The following EPHB2 variants were observed in gnomAD, a reference collection of about 807,000 sequenced individuals.
The protein encoded by EPHB2 is EPH receptor B2.
In EPHB2, 18 loss-of-function variants were observed where a neutral mutation model predicts 96.4. That is an observed-to-expected ratio of 0.19 (90% CI 0.13 to 0.28). The LOEUF (loss-of-function observed/expected upper bound fraction) is 0.28. Ranked by LOEUF, EPHB2 falls within the 10% of genes least tolerant of loss-of-function variation. The pLI is 1.00. For missense variants in EPHB2, 989 were observed against 1,355.4 expected (o/e 0.73, Z 4.25); for synonymous variants, 506 against 534.1 (o/e 0.95, Z 0.72).
Position 22,914,349 on chromosome 1 carries a change from T to C in EPHB2, c.*779T>C. 1 of 154,922 alleles carries C rather than the reference T, an allele frequency of 6.5e-6. No homozygotes were observed. The highest frequency in any genetic ancestry group is 6.4e-5 in the Admixed American group (1 of 15,626). 9.6% of individuals were successfully genotyped at this position (154,922 alleles called of 1,614,324 possible). On this transcript the variant is annotated 3_prime_UTR_variant, in exon 16 of 16. Coordinates refer to ENST00000374630, the MANE Select transcript of EPHB2 (RefSeq NM_017449.5). ...ATATCACGCGCACAGCCTGGCAGCC[T>C]GGCCCTCCTGGTGCCCACTCCCGCC...
At chr1:22,840,894 C>T (rs893011560) in intron 3 of EPHB2, among the ~76,000 whole-genome samples, 3 of 152,154 alleles carry the variant, frequency 2.0e-5, no homozygotes, top group Non-Finnish European at 2.9e-5. Flanking sequence ...TGTTATTACC[C>T]TCATTTATCA....
At chr1:22,713,417 C>G (rs1643209930) in intron 1 of EPHB2, among the ~76,000 whole-genome samples, 1 of 152,174 alleles carries the variant, frequency 6.6e-6, no homozygotes, top group Admixed American at 6.5e-5. Flanking sequence ...CTACGCCCTA[C>G]TTCCCCTCTT....
chr1:22,861,240 T>C lies in EPHB2; in HGVS notation c.812-1797T>C, dbSNP rs570567756. On this transcript the variant is annotated intron_variant, in intron 3 of 15. Transcript: ENST00000374630. ...AGGCCACACTGCTCACACAGGTGGG[T>C]CTGGGTTTGCCAGCAGCCTGCACAC... Among the ~76,000 whole-genome samples the C allele has an allele frequency of 6.4e-3, 979 of 152,256 alleles. 8 individuals are homozygous for C. Among genetic ancestry groups the C allele is most frequent in the African/African-American group, 0.022 (894 of 41,526 alleles).
chr1:22,820,801 T>C (rs1645142572), intron 3 of EPHB2, among the ~76,000 whole-genome samples: 1 of 152,264 alleles, frequency 6.6e-6, no homozygotes, highest in South Asian at 2.1e-4. Context: ...TTTGTTATTA[T>C]AACCATTTCA....
intron 3 of EPHB2, among the ~76,000 whole-genome samples, chr1:22,840,689 G>A (rs1645453386): frequency 6.6e-6 from 1 of 152,106 alleles, no homozygotes; most frequent in South Asian, 2.1e-4. Flanking sequence ...TGGAACTCCT[G>A]GCCTCAAGCA....
chr1:22,737,698 G>A (rs1013157724), intron 1 of EPHB2, among the ~76,000 whole-genome samples: 1 of 152,192 alleles, frequency 6.6e-6, no homozygotes, highest in Non-Finnish European at 1.5e-5. Context: ...CTGGAGTGTA[G>A]AGACTTTCTT....
chr1:22,896,448 G>A lies in EPHB2; in HGVS notation c.1735G>A (p.Asp579Asn), dbSNP rs1308309622. The A allele has an allele frequency of 6.2e-7, 1 of 1,614,158 alleles. No individual in the cohort carries two copies. Among genetic ancestry groups the A allele is most frequent in the South Asian group, 1.1e-5 (1 of 91,084 alleles). ...GFERADSEYT[D>N]KLQHYTSGHM... ...TGAGCGTGCTGACTCGGAGTACACGGACAAGCTGCAACACTACACCAGTGG... is the reference window on the plus strand; with the variant it reads ...TGAGCGTGCTGACTCGGAGTACACGAACAAGCTGCAACACTACACCAGTGG... The change falls in exon 9 of 16, where the codon GAC becomes AAC. Residue 579 changes from aspartate (D) to asparagine (N), a missense_variant. Transcript: ENST00000374630.
chr1:22,905,633 G>A (rs1227907243), intron 9 of EPHB2, among the ~76,000 whole-genome samples: 1 of 152,284 alleles, frequency 6.6e-6, no homozygotes, highest in East Asian at 1.9e-4. Context: ...CCTTGATTCT[G>A]TATCACCTAT....
At chr1:22,752,866 G>A (rs532697088) in intron 1 of EPHB2, among the ~76,000 whole-genome samples, 11 of 152,142 alleles carry the variant, frequency 7.2e-5, no homozygotes, top group African/African-American at 1.4e-4. Context: ...TTGCTGCAGC[G>A]TCAGATTACT....
intron 3 of EPHB2, among the ~76,000 whole-genome samples, chr1:22,854,145 C>T (rs528678369): frequency 5.1e-4 from 77 of 152,256 alleles, no homozygotes; most frequent in South Asian, 4.8e-3. Flanking sequence ...AAGGAGTAAA[C>T]GGGCAAGAAG....
At chr1:22,902,639 G>A (rs1639786403) in intron 9 of EPHB2, among the ~76,000 whole-genome samples, 3 of 152,336 alleles carry the variant, frequency 2.0e-5, no homozygotes, top group South Asian at 4.1e-4. Flanking sequence ...CACCCACTGT[G>A]TGCCAGGCCC....
At chr1:22,792,581 C>T (rs1011009910) in intron 3 of EPHB2, among the ~76,000 whole-genome samples, 5 of 152,192 alleles carry the variant, frequency 3.3e-5, no homozygotes, top group African/African-American at 1.2e-4. Context: ...GTCCATCCAT[C>T]CATCCATCCA....
chr1:22,801,820 G>A (rs1230175944), intron 3 of EPHB2, among the ~76,000 whole-genome samples: 1 of 152,180 alleles, frequency 6.6e-6, no homozygotes, highest in Non-Finnish European at 1.5e-5. Flanking sequence ...CAGGAAGAAT[G>A]CCTCTCTTTA....
At chr1:22,907,458 T>C (rs12065377) in intron 11 of EPHB2, among the ~76,000 whole-genome samples, 2,035 of 152,142 alleles carry the variant, frequency 0.013, 49 homozygotes, top group African/African-American at 0.045. Context: ...CAGAGGAAAG[T>C]GTATAGGCCT....
intron 1 of EPHB2, among the ~76,000 whole-genome samples, chr1:22,718,681 C>T (rs996958871): frequency 3.3e-5 from 5 of 152,268 alleles, no homozygotes; most frequent in Middle Eastern, 3.4e-3. Flanking sequence ...AGCCACCGCG[C>T]CCAGCAGCTG....
At chr1:22,834,947 TA>T (rs1277402743) in intron 3 of EPHB2, among the ~76,000 whole-genome samples, 1 of 151,206 alleles carries the variant, frequency 6.6e-6, no homozygotes, top group South Asian at 2.1e-4. Context: ...AAATAAAAAA[TA>T]AAAAAAAGGC....
At chr1:22,883,777 C>T (rs1201215965) in intron 6 of EPHB2, among the ~76,000 whole-genome samples, 1 of 152,182 alleles carries the variant, frequency 6.6e-6, no homozygotes, top group Non-Finnish European at 1.5e-5. Context: ...TGCTTGCGTG[C>T]GTGTTCATCC....
chr1:22,788,749 T>C (rs1231329386), intron 3 of EPHB2, among the ~76,000 whole-genome samples: 1 of 40,670 alleles, frequency 2.5e-5, no homozygotes, highest in Non-Finnish European at 8.4e-5. Context: ...TGTCTTTTGT[T>C]TTTGTTTTTT....
Position 22,865,307 on chromosome 1 carries a change from A to C in EPHB2, c.1303+95A>C, listed in dbSNP as rs1036398281. 8 of 1,428,464 alleles carry C rather than the reference A, an allele frequency of 5.6e-6. No homozygotes were observed. The African/African-American group carries it at 1.1e-4, about 20-fold the overall frequency. The allele number at this position is 1,428,464 out of a possible 1,614,324, so 88.5% of individuals were successfully genotyped here. ...ACAAAAGACTCCTTCACATCTATGG[A>C]GTGATTTCTTCTTTTCAAAGGCTTT... is the stretch of plus-strand genomic sequence containing the variant. On this transcript the variant is annotated intron_variant, in intron 5 of 15. Transcript: ENST00000374630.
Sources: allele counts gnomAD v4.1 joint callset (sites outside exome capture counted in the v4.1 genomes callset), GRCh38; gene constraint gnomAD v4.1.1; transcripts MANE v1.5; gene names NCBI Gene and HGNC (gene_info 2026-07-23, HGNC 2026-07-21).